Variants in EDC3 observed in about 807,000 individuals in gnomAD.
EDC3 encodes the protein enhancer of mRNA decapping 3.
In EDC3, 20 loss-of-function variants were observed where a neutral mutation model predicts 41.8. The observed-to-expected ratio is 0.48, with a 90% CI of 0.34 to 0.70. EDC3 has a LOEUF of 0.70. Among genes scored for constraint, EDC3 ranks in the 30% least tolerant of loss-of-function variants. The pLI, the probability that EDC3 is intolerant of heterozygous loss-of-function variation, is 0.01. For missense variants in EDC3, 444 were observed against 636.8 expected (o/e 0.70, Z 3.26); for synonymous variants, 206 against 243.2 (o/e 0.85, Z 1.42).
At chr15:74,675,400 A>G (rs2062792801) in intron 1 of EDC3, among the ~76,000 whole-genome samples, 1 of 151,934 alleles carries the variant, frequency 6.6e-6, no homozygotes, top group South Asian at 2.1e-4. Flanking sequence ...TATTTATTAC[A>G]CATCAAATCA....
At chr15:74,635,784 A>C in intron 5 of EDC3, 158 bp from the exon 6 acceptor site, 1 of 668,274 alleles carries the variant, frequency 1.5e-6, no homozygotes, top group Non-Finnish European at 2.5e-6. Flanking sequence ...ACTGCAGGCC[A>C]GGTCTATAGG....
At chr15:74,673,845 A>G (rs1473680736) in intron 2 of EDC3, among the ~76,000 whole-genome samples, 2 of 151,832 alleles carry the variant, frequency 1.3e-5, no homozygotes, top group Non-Finnish European at 2.9e-5. Flanking sequence ...ATCAAAAAAA[A>G]AAAAAAAAAA....
chr15:74,693,064 C>T (rs2063026222), intron 1 of EDC3: 1 of 152,134 alleles, frequency 6.6e-6, no homozygotes, highest in Non-Finnish European at 1.5e-5. Context: ...AAAGCAACAC[C>T]ACCATATCTT....
At chr15:74,675,507 C>A (rs1447202488) in intron 1 of EDC3, among the ~76,000 whole-genome samples, 4 of 147,948 alleles carry the variant, frequency 2.7e-5, no homozygotes, top group African/African-American at 9.9e-5. Flanking sequence ...ATTAAAAAAA[C>A]AAATTACTGA....
At chr15:74,683,809 T>C (rs1332129034) in intron 1 of EDC3, among the ~76,000 whole-genome samples, 3 of 152,054 alleles carry the variant, frequency 2.0e-5, no homozygotes, top group Admixed American at 1.3e-4. Flanking sequence ...AGAAAGATAA[T>C]TGGACAAAAT....
intron 1 of EDC3, among the ~76,000 whole-genome samples, chr15:74,691,435 A>T (rs183307008): frequency 6.6e-6 from 1 of 152,378 alleles, no homozygotes; most frequent in Admixed American, 6.5e-5. Flanking sequence ...CTTTTGCCAG[A>T]AAGAATACCG....
Position 74,662,368 on chromosome 15 carries a change from A to AG in EDC3, c.485-6301dup, listed in dbSNP as rs1346077851. Among the ~76,000 whole-genome samples, 5 of 152,198 alleles carry AG rather than the reference A, an allele frequency of 3.3e-5. No individual in the cohort carries two copies. The East Asian group carries it at 9.6e-4, about 29-fold the overall frequency. On this transcript the variant is annotated intron_variant, in intron 3 of 6. Coordinates refer to ENST00000315127, the MANE Select transcript of EDC3 (RefSeq NM_025083.5). ...ATACCTGTCACCCAACACTATGCCC[A>AG]GTTCAGCGTAAGTACACAAAACTCT...
intron 4 of EDC3, among the ~76,000 whole-genome samples, chr15:74,653,509 A>ACCCGGC: frequency 6.6e-6 from 1 of 152,286 alleles, no homozygotes; most frequent in Admixed American, 6.5e-5. Flanking sequence ...TCCAGCACAG[A>ACCCGGC]CGCTGCTTGG....
At position 74,671,301 on chromosome 15, in the gene EDC3, CCTGGAGGAAGAGAA is replaced by C. The variant is rs1435204195; in HGVS notation, c.484+140_484+153del. 6.6e-6 allele frequency among the ~76,000 whole-genome samples: 1 copy of C among 152,162 alleles called. No individual in the cohort carries two copies. The highest frequency in any genetic ancestry group is 1.5e-5 in the Non-Finnish European group (1 of 68,040). On this transcript the variant is annotated intron_variant, in intron 3 of 6. Coordinates refer to ENST00000315127, the MANE Select transcript of EDC3 (RefSeq NM_025083.5). The surrounding 1 kb of genome is among the most constrained non-coding windows in gnomAD (Gnocchi z 4.6). The stretch of plus-strand genomic sequence containing the variant: ...TCCCTTAACATCTTGAGGAATGAGG[CCTGGAGGAAGAGAA>C]CCATGTTGTATTTCTGTGACGCTCA...
At chr15:74,648,374 A>T (rs2062441207) in intron 4 of EDC3, among the ~76,000 whole-genome samples, 1 of 152,256 alleles carries the variant, frequency 6.6e-6, no homozygotes, top group African/African-American at 2.4e-5. Flanking sequence ...ATGGAATGCC[A>T]GCTGTGAAAG....
chr15:74,644,341 C>T (rs1163185645), intron 4 of EDC3: 4 of 152,244 alleles, frequency 2.6e-5, no homozygotes, highest in Non-Finnish European at 5.9e-5. Context: ...GGGCTCTATT[C>T]TCTCTTCCAA....
In EDC3 at chr15:74,633,013, G is replaced by A. The variant is rs1291692636; in HGVS notation, c.1193-67C>T. 4.7e-5 allele frequency: 71 copies of A among 1,514,386 alleles called. 1 individual carries two copies. The East Asian group carries it at 1.5e-3, about 32-fold the overall frequency. The allele number at this position is 1,514,386 out of a possible 1,614,324, so 93.8% of individuals were successfully genotyped here. A position where few individuals can be genotyped will look rare whatever the true frequency, so the allele number is the denominator to read the frequency against. ...GAGAGCAGCCCAGGCTGGGACTAGG[G>A]CCCAGGTCACCCCAAGGGTGTCTTT... On this transcript the variant is annotated intron_variant, in intron 6 of 6. Transcript: ENST00000315127.
intron 5 of EDC3, 185 bp from the exon 6 acceptor site, chr15:74,635,811 C>G (rs2062266361): frequency 3.3e-6 from 2 of 605,726 alleles, no homozygotes; most frequent in Non-Finnish European, 5.8e-6. Flanking sequence ...CTCCTGTTGT[C>G]CCAAACCCCA....
chr15:74,683,071 T>A (rs1367313651), intron 1 of EDC3, among the ~76,000 whole-genome samples: 1 of 152,090 alleles, frequency 6.6e-6, no homozygotes, highest in Non-Finnish European at 1.5e-5. Context: ...TTATATCACA[T>A]TTACTCAAAA....
intron 3 of EDC3, among the ~76,000 whole-genome samples, chr15:74,659,510 A>ATATATG (rs1336782536): frequency 7.7e-6 from 1 of 130,514 alleles, no homozygotes; most frequent in African/African-American, 2.8e-5. Flanking sequence ...ATATATATAT[A>ATATATG]TAGGCAAATA....
intron 3 of EDC3, among the ~76,000 whole-genome samples, chr15:74,668,729 T>TGAAAGAAAGAAAGAAAGAAAGAAA (rs10660702): frequency 0.086 from 12,002 of 140,112 alleles, 917 homozygotes; most frequent in African/African-American, 0.18. Flanking sequence ...CAAAAATGAA[T>TGAAAGAAAGAAAGAAAGAAAGAAA]GAAAGAAAGA....
chr15:74,653,813 A>T (rs1020798499), intron 4 of EDC3, among the ~76,000 whole-genome samples: 2 of 152,274 alleles, frequency 1.3e-5, no homozygotes, highest in South Asian at 4.1e-4. Context: ...TAGCAGAAAA[A>T]AATTTCTACC....
intron 1 of EDC3, among the ~76,000 whole-genome samples, chr15:74,694,107 A>G (rs898999278): frequency 1.3e-5 from 2 of 152,214 alleles, no homozygotes. Context: ...GGCTGAATTT[A>G]GGAGAACTCT....
In EDC3 at chr15:74,640,763, G is replaced by C. The variant is rs549567444; in HGVS notation, c.821-144C>G. The C allele has an allele frequency of 4.2e-5, 40 of 960,756 alleles. No individual in the cohort carries two copies. The African/African-American group carries it at 5.3e-4, about 13-fold the overall frequency. 59.5% of individuals were successfully genotyped at this position (960,756 alleles called of 1,614,324 possible). A position where few individuals can be genotyped will look rare whatever the true frequency, so the allele number is the denominator to read the frequency against. ...ATCCTCTTCATCTTCCGGGACTAAG[G>C]CACGCTCTGCAGCTCTGCAGAGCTC... is the stretch of plus-strand genomic sequence containing the variant. On this transcript the variant is annotated intron_variant, in intron 4 of 6. Transcript: ENST00000315127.
Sources: allele counts gnomAD v4.1 joint callset (sites outside exome capture counted in the v4.1 genomes callset), GRCh38; gene constraint gnomAD v4.1.1; non-coding constraint Gnocchi (gnomAD v3.1); transcripts MANE v1.5; gene names NCBI Gene and HGNC (gene_info 2026-07-23, HGNC 2026-07-21).